Variants in RRAGD observed in about 807,000 individuals in gnomAD.
The protein encoded by RRAGD is ras-related GTP-binding protein D.
Under a neutral mutation model 35.5 loss-of-function variants are expected in RRAGD, and 12 were observed. The observed-to-expected ratio is 0.34, with a 90% CI of 0.22 to 0.55. RRAGD has a LOEUF of 0.55. Among genes scored for constraint, RRAGD ranks in the 20% least tolerant of loss-of-function variants. The pLI, the probability that RRAGD is intolerant of heterozygous loss-of-function variation, is 0.91. For missense variants in RRAGD, 324 were observed against 490.1 expected (o/e 0.66, Z 3.20); for synonymous variants, 155 against 178.9 (o/e 0.87, Z 1.07).
In RRAGD at chr6:89,365,138, G is replaced by A. The variant is rs1693255713; in HGVS notation, c.*2918C>T. 1 of 152,132 alleles carries A rather than the reference G, an allele frequency of 6.6e-6. No individual in the cohort carries two copies. Among genetic ancestry groups the A allele is most frequent in the Non-Finnish European group, 1.5e-5 (1 of 68,036 alleles). 9.4% of individuals were successfully genotyped at this position (152,132 alleles called of 1,614,324 possible). A position where few individuals can be genotyped will look rare whatever the true frequency, so the allele number is the denominator to read the frequency against. On this transcript the variant is annotated 3_prime_UTR_variant, in exon 7 of 7. Coordinates refer to ENST00000369415, the MANE Select transcript of RRAGD (RefSeq NM_021244.5). ...AGTCATATTTAAGGGTCCAAAATAT[G>A]TTCACAAAAGAACAGTTTGTGAATG...
At chr6:89,376,165 G>A (rs943594370) in intron 5 of RRAGD, among the ~76,000 whole-genome samples, 4 of 152,154 alleles carry the variant, frequency 2.6e-5, no homozygotes, top group African/African-American at 9.7e-5. Flanking sequence ...CCAGATGTCA[G>A]CGTTTAATTA....
intron 4 of RRAGD, among the ~76,000 whole-genome samples, chr6:89,378,234 G>A (rs1489935110): frequency 1.3e-5 from 2 of 151,992 alleles, no homozygotes; most frequent in African/African-American, 2.4e-5. Flanking sequence ...CCCAGGAGGC[G>A]GAGGTAGCGG....
At chr6:89,371,321 C>T (rs564912867) in intron 6 of RRAGD, among the ~76,000 whole-genome samples, 4 of 151,792 alleles carry the variant, frequency 2.6e-5, no homozygotes, top group African/African-American at 9.7e-5. Context: ...AGACCCCAAT[C>T]TCTACCAAAA....
chr6:89,380,002 A>G (rs182126570), intron 3 of RRAGD, among the ~76,000 whole-genome samples, 166 bp downstream of exon 3: 2 of 152,394 alleles, frequency 1.3e-5, no homozygotes, highest in Admixed American at 6.5e-5. Context: ...GATTAGCATT[A>G]GCACATGCAA....
At chr6:89,382,566 G>A (rs186787443) in intron 2 of RRAGD, among the ~76,000 whole-genome samples, 12 of 151,082 alleles carry the variant, frequency 7.9e-5, no homozygotes, top group African/African-American at 2.9e-4. Flanking sequence ...CAGAGTGAGA[G>A]CCTGCCTGTA....
At chr6:89,378,844 A>G (rs2180814) in intron 4 of RRAGD, among the ~76,000 whole-genome samples, 21,307 of 150,716 alleles carry the variant, frequency 0.14, 1,909 homozygotes, top group East Asian at 0.35. Flanking sequence ...TTTAGCCTCA[A>G]ACTCCTGGGC....
rs908358069 is a variant in RRAGD at position 89,412,047 on chromosome 6, A to G, written c.-54T>C. 755 of 1,488,680 alleles carry G rather than the reference A, an allele frequency of 5.1e-4. No homozygotes were observed. Among genetic ancestry groups the G allele is most frequent in the Non-Finnish European group, 6.3e-4 (707 of 1,121,392 alleles). 92.2% of individuals were successfully genotyped at this position (1,488,680 alleles called of 1,614,324 possible). On this transcript the variant is annotated 5_prime_UTR_variant, in exon 1 of 7. Coordinates refer to ENST00000369415, the MANE Select transcript of RRAGD (RefSeq NM_021244.5). The surrounding 1 kb of genome is among the most constrained non-coding windows in gnomAD (Gnocchi z 4.2). ...CGGCGGGGGTCCCGGGGTGGGGGCC[A>G]AGCCTCCTAGCCGGCCGCCCGCAGC...
chr6:89,378,271 C>A (rs906822283), intron 4 of RRAGD, among the ~76,000 whole-genome samples: 1 of 150,600 alleles, frequency 6.6e-6, no homozygotes, highest in Non-Finnish European at 1.5e-5. Flanking sequence ...CATTGCACTC[C>A]AGCCTGGGCA....
In RRAGD at chr6:89,400,986, C is replaced by A. The variant is rs1020468701; in HGVS notation, c.148+10860G>T. ...GCCAAGTGTGAGGCAGGGCTGCAGA[C>A]ACAAAGAAAAACGATTCATCCCCCA... On this transcript the variant is annotated intron_variant, in intron 1 of 6. Coordinates refer to ENST00000369415, the MANE Select transcript of RRAGD (RefSeq NM_021244.5). Among the ~76,000 whole-genome samples the A allele has an allele frequency of 1.8e-4, 28 of 152,116 alleles. 1 individual carries two copies. The highest frequency in any genetic ancestry group is 6.8e-4 in the African/African-American group (28 of 41,424).
Position 89,380,157 on chromosome 6 carries a change from T to C in RRAGD, c.644+11A>G. ...CCTTTATTGGGATCCTTAAGGGGTTTCTGTTCTCACCTGAGGTGAATTTTT... is the reference window on the plus strand; with the variant it reads ...CCTTTATTGGGATCCTTAAGGGGTTCCTGTTCTCACCTGAGGTGAATTTTT... On this transcript the variant is annotated intron_variant, in intron 3 of 6. Coordinates refer to ENST00000369415, the MANE Select transcript of RRAGD (RefSeq NM_021244.5). 6.2e-7 allele frequency: 1 copy of C among 1,613,748 alleles called. No individual in the cohort carries two copies. The highest frequency in any genetic ancestry group is 8.5e-7 in the Non-Finnish European group (1 of 1,179,668).
chr6:89,377,453 T>C (rs1474889538), intron 5 of RRAGD, among the ~76,000 whole-genome samples: 2 of 152,330 alleles, frequency 1.3e-5, no homozygotes, highest in Non-Finnish European at 2.9e-5. Flanking sequence ...GCTAAAAAAT[T>C]GAAATAAATA....
chr6:89,386,979 G>C (rs1582513065), intron 2 of RRAGD, among the ~76,000 whole-genome samples: 1 of 152,136 alleles, frequency 6.6e-6, no homozygotes, highest in East Asian at 1.9e-4. Flanking sequence ...TTGTTGCAGA[G>C]AACCTGTGAT....
chr6:89,387,718 T>TA, intron 1 of RRAGD, 128 bp from the exon 2 acceptor site: 1 of 906,282 alleles, frequency 1.1e-6, no homozygotes, highest in Non-Finnish European at 1.7e-6. Context: ...GAGTGCTAAC[T>TA]ACAGTCCCTC....
Position 89,367,464 on chromosome 6 carries a change from T to C in RRAGD, c.*592A>G, listed in dbSNP as rs1768775671. 1 of 152,224 alleles carries C rather than the reference T, an allele frequency of 6.6e-6. No homozygotes were observed. 9.4% of individuals were successfully genotyped at this position (152,224 alleles called of 1,614,324 possible). ...TAGGTAAGTCTGGTGCTAGCATTAT[T>C]CTACAAAACTGTTTACACCCATTAT... On this transcript the variant is annotated 3_prime_UTR_variant, in exon 7 of 7. Coordinates refer to ENST00000369415, the MANE Select transcript of RRAGD (RefSeq NM_021244.5).
chr6:89,408,028 A>G (rs1769617864), intron 1 of RRAGD, among the ~76,000 whole-genome samples: 1 of 152,160 alleles, frequency 6.6e-6, no homozygotes, highest in Non-Finnish European at 1.5e-5. Flanking sequence ...CTAAAGTTTA[A>G]CTTTGGGCAC....
chr6:89,397,818 A>T (rs2127895129), intron 1 of RRAGD, among the ~76,000 whole-genome samples: 1 of 152,334 alleles, frequency 6.6e-6, no homozygotes, highest in Admixed American at 6.5e-5. Flanking sequence ...TCTAATCTAC[A>T]GTGGCAAATA....
At position 89,411,615 on chromosome 6, in the gene RRAGD, C is replaced by T; in HGVS notation, c.148+231G>A. 1.8e-6 allele frequency: 1 copy of T among 562,572 alleles called. No individual in the cohort carries two copies. Among genetic ancestry groups the T allele is most frequent in the South Asian group, 2.1e-5 (1 of 48,136 alleles). 34.8% of individuals were successfully genotyped at this position (562,572 alleles called of 1,614,324 possible). ...CTCCAGCCCAGACGCTTACTCCCTC[C>T]TTCCCCTTTTCCACCGATCCTGGTT... On this transcript the variant is annotated intron_variant, in intron 1 of 6. Coordinates refer to ENST00000369415, the MANE Select transcript of RRAGD (RefSeq NM_021244.5). The surrounding 1 kb of genome is among the most constrained non-coding windows in gnomAD (Gnocchi z 5.6).
chr6:89,377,291 T>A (rs1306440546), intron 5 of RRAGD, among the ~76,000 whole-genome samples: 1 of 152,136 alleles, frequency 6.6e-6, no homozygotes, highest in Non-Finnish European at 1.5e-5. Context: ...AAGGGTCAAA[T>A]GTAATTCCTG....
At chr6:89,387,254 G>T (rs1562454418) in intron 2 of RRAGD, 41 bp downstream of exon 2, 2 of 1,582,940 alleles carry the variant, frequency 1.3e-6, no homozygotes, top group East Asian at 2.2e-5. Flanking sequence ...GGGTGGAGGG[G>T]ACCGGCCAGG....
Sources: allele counts gnomAD v4.1 joint callset (sites outside exome capture counted in the v4.1 genomes callset), GRCh38; gene constraint gnomAD v4.1.1; non-coding constraint Gnocchi (gnomAD v3.1); transcripts MANE v1.5; gene names NCBI Gene and HGNC (gene_info 2026-07-23, HGNC 2026-07-21).